Variants in IL13RA1 observed in about 807,000 individuals in gnomAD.
The protein encoded by IL13RA1 is interleukin 13 receptor subunit alpha 1.
A neutral mutation model predicts 33.8 loss-of-function variants in IL13RA1; 14 were observed. The observed-to-expected ratio is 0.41, with a 90% confidence interval of 0.27 to 0.65. IL13RA1 has a LOEUF of 0.65. IL13RA1 is among the 30% of genes least tolerant of loss of function. IL13RA1 has a pLI of 0.28. For synonymous variants in IL13RA1, 116 were observed against 115.7 expected (o/e 1.00, Z -0.02); for missense variants, 313 against 327.0 (o/e 0.96, Z 0.33).
At chrX:118,745,445 A>G (rs1254880639) in intron 2 of IL13RA1, among the ~76,000 whole-genome samples, 1 of 111,057 alleles carries the variant, frequency 9.0e-6, no homozygotes, top group Non-Finnish European at 1.9e-5. Context: ...GGGCTGACCA[A>G]CTCCCTTTTC....
intron 4 of IL13RA1, among the ~76,000 whole-genome samples, chrX:118,752,562 G>A (rs2017482584): frequency 1.8e-5 from 2 of 111,412 alleles, no homozygotes; most frequent in South Asian, 3.7e-4. Flanking sequence ...CTTGTCTCAC[G>A]GCACCTTGCA....
chrX:118,737,590 A>T (rs2147366235), intron 1 of IL13RA1, among the ~76,000 whole-genome samples: 1 of 112,257 alleles, frequency 8.9e-6, no homozygotes, highest in African/African-American at 3.2e-5. Context: ...AGGAAGCCCA[A>T]AATGCAAACC....
chrX:118,730,445 T>A (rs1243304926), intron 1 of IL13RA1, among the ~76,000 whole-genome samples: 1 of 111,809 alleles, frequency 8.9e-6, no homozygotes, highest in Non-Finnish European at 1.9e-5. Flanking sequence ...TTGAGCTAGA[T>A]CTTCTGGATG....
intron 2 of IL13RA1, among the ~76,000 whole-genome samples, chrX:118,741,619 G>A (rs1816450723): frequency 1.8e-5 from 2 of 111,875 alleles, no homozygotes; most frequent in Admixed American, 1.9e-4. Context: ...AGTGGCAGGT[G>A]TGTTTGAGTA....
chrX:118,750,138 C>T (rs767632223), intron 4 of IL13RA1, among the ~76,000 whole-genome samples: 7 of 110,931 alleles, frequency 6.3e-5, no homozygotes, highest in African/African-American at 2.3e-4. Context: ...TACATGCACT[C>T]GTGTGTGTGT....
At chrX:118,764,072 G>T (rs1004197670) in intron 6 of IL13RA1, among the ~76,000 whole-genome samples, 2 of 109,712 alleles carry the variant, frequency 1.8e-5, no homozygotes, top group African/African-American at 3.3e-5. Context: ...ACTTAAGAGG[G>T]GGAAGTAAGC....
the IL13RA1 span, among the ~76,000 whole-genome samples, chrX:118,800,431 A>G: frequency 1.8e-5 from 2 of 110,294 alleles, 1 homozygote; most frequent in South Asian, 7.9e-4. Flanking sequence ...GGAACGAAGA[A>G]CTCCAGACGC....
intron 5 of IL13RA1, among the ~76,000 whole-genome samples, chrX:118,759,551 T>C (rs2017569393): frequency 9.0e-6 from 1 of 111,116 alleles, no homozygotes; most frequent in South Asian, 3.8e-4. Flanking sequence ...AGCCCTTCTC[T>C]TTGTTTGGCA....
chrX:118,796,883 C>G (rs1335763915), downstream of IL13RA1, among the ~76,000 whole-genome samples: 1 of 112,586 alleles, frequency 8.9e-6, no homozygotes. Context: ...TATCTACGAG[C>G]TAGACAATGT....
At chrX:118,752,084 G>A (rs2017476914) in intron 4 of IL13RA1, among the ~76,000 whole-genome samples, 1 of 109,808 alleles carries the variant, frequency 9.1e-6, no homozygotes, top group Non-Finnish European at 1.9e-5. Context: ...CCCCCCTGAT[G>A]TAAATCTCAT....
intron 10 of IL13RA1, among the ~76,000 whole-genome samples, chrX:118,783,029 C>T (rs2017862938): frequency 9.0e-6 from 1 of 111,703 alleles, no homozygotes; most frequent in South Asian, 3.7e-4. Flanking sequence ...GACTTGTATA[C>T]CAAAGGCCAG....
intron 2 of IL13RA1, among the ~76,000 whole-genome samples, chrX:118,745,354 C>G (rs1203304485): frequency 3.6e-5 from 4 of 111,890 alleles, no homozygotes. Context: ...CAGAAAAATT[C>G]AATGCCCACA....
chrX:118,735,989 C>T (rs1569454000), intron 1 of IL13RA1, among the ~76,000 whole-genome samples: 4 of 111,485 alleles, frequency 3.6e-5, no homozygotes, highest in Non-Finnish European at 1.9e-5. Flanking sequence ...TCCTCGGACT[C>T]AATAATTTTT....
downstream of IL13RA1, among the ~76,000 whole-genome samples, chrX:118,795,604 C>T (rs2018026042): frequency 8.9e-6 from 1 of 112,119 alleles, no homozygotes; most frequent in Non-Finnish European, 1.9e-5. Flanking sequence ...CAACAGAAAA[C>T]ATTTAAAATT....
chrX:118,763,851 G>A (rs1236230142), intron 6 of IL13RA1, among the ~76,000 whole-genome samples: 1 of 108,172 alleles, frequency 9.2e-6, no homozygotes, highest in Non-Finnish European at 1.9e-5. Flanking sequence ...CTTCTGAACT[G>A]AAGAGAACAC....
intron 2 of IL13RA1, among the ~76,000 whole-genome samples, chrX:118,742,071 C>G (rs1267764092): frequency 1.8e-5 from 2 of 111,375 alleles, no homozygotes; most frequent in African/African-American, 6.5e-5. Context: ...TTACTCACTT[C>G]GCTGGCTTGC....
downstream of IL13RA1, among the ~76,000 whole-genome samples, chrX:118,796,631 G>A (rs1414838414): frequency 9.0e-6 from 1 of 111,343 alleles, no homozygotes; most frequent in Non-Finnish European, 1.9e-5. Flanking sequence ...TCTGCCTCCC[G>A]GGTTCAAGGG....
chrX:118,772,820 T>G (rs1016534506), intron 8 of IL13RA1, among the ~76,000 whole-genome samples: 1 of 112,312 alleles, frequency 8.9e-6, no homozygotes. Context: ...CATAGTTTAG[T>G]CTGTTAGTTC....
chrX:118,768,860 C>A (rs1474916940), intron 8 of IL13RA1, among the ~76,000 whole-genome samples: 1 of 112,078 alleles, frequency 8.9e-6, no homozygotes, highest in Non-Finnish European at 1.9e-5. Context: ...CTGACACCTT[C>A]ATTTTGGATT....
Sources: allele counts gnomAD v4.1 joint callset (sites outside exome capture counted in the v4.1 genomes callset), GRCh38; gene constraint gnomAD v4.1.1; transcripts MANE v1.5; gene names NCBI Gene and HGNC (gene_info 2026-07-23, HGNC 2026-07-21).